C11orf24: variants seen among roughly 807,000 people sequenced by gnomAD.
C11orf24 encodes uncharacterized protein C11orf24.
A neutral mutation model predicts 7.3 loss-of-function variants in C11orf24; 5 were observed. The ratio of observed to expected loss-of-function variants is 0.69; its 90% confidence interval spans 0.36 to 1.45. The LOEUF (loss-of-function observed/expected upper bound fraction) is 1.45, where lower values mean the gene tolerates loss of function less well. C11orf24 is among the 40% of genes most tolerant of loss of function. The probability of loss-of-function intolerance (pLI) is 0.03; values close to 1 mark genes in which losing one functional copy is unlikely to be tolerated. For synonymous variants in C11orf24, 233 were observed against 235.7 expected (o/e 0.99, Z 0.11); for missense variants, 566 against 590.5 (o/e 0.96, Z 0.43).
chr11:68,266,617 CG>C (rs941880065), intron 2 of C11orf24, among the ~76,000 whole-genome samples: 5 of 151,604 alleles, frequency 3.3e-5, no homozygotes, highest in African/African-American at 4.8e-5. Context: ...AAAAGTGTGG[CG>C]GGGGGGATGG....
chr11:68,264,518 CCACT>C (rs2098563675), intron 2 of C11orf24, among the ~76,000 whole-genome samples: 7 of 143,526 alleles, frequency 4.9e-5, no homozygotes, highest in Admixed American at 6.8e-5. Flanking sequence ...ATCCATCCAC[CCACT>C]CATCCATCCA....
Position 68,261,806 on chromosome 11 carries a change from C to T in C11orf24, c.1189G>A (p.Val397Ile), listed in dbSNP as rs147863253. 1.9e-5 allele frequency: 30 copies of T among 1,614,106 alleles called. No homozygotes were observed. Among genetic ancestry groups the T allele is most frequent in the Non-Finnish European group, 2.1e-5 (25 of 1,180,056 alleles). Reference protein sequence around the residue: ...VTTEPLTQAVVDKTLLLVVLL... With the variant: ...VTTEPLTQAVIDKTLLLVVLL... The stretch of plus-strand genomic sequence containing the variant: ...ACCACCAGAAGGAGAGTTTTGTCTA[C>T]CACGGCCTGGGTGAGGGGCTCAGTG... The change falls in exon 4 of 4, where the codon GTA (valine) becomes ATA (isoleucine). Residue 397 changes from valine to isoleucine, a missense_variant. Val to Ile is a conservative substitution (Grantham distance 29). Transcript: ENST00000304271.
chr11:68,263,598 G>T, intron 3 of C11orf24, 94 bp downstream of exon 3: 1 of 1,205,324 alleles, frequency 8.3e-7, no homozygotes, highest in Non-Finnish European at 1.2e-6. Context: ...TTCCTGACGC[G>T]TTGGCCTGGG....
Position 68,261,623 on chromosome 11 carries a change from T to A in C11orf24, c.*22A>T. 6.3e-7 allele frequency: 1 copy of A among 1,581,926 alleles called. No homozygotes were observed. The highest frequency in any genetic ancestry group is 1.1e-5 in the South Asian group (1 of 88,336). On this transcript the variant is annotated 3_prime_UTR_variant, in exon 4 of 4. Transcript: ENST00000304271. Reference sequence around the variant, plus strand: ...GAAAGGACGAGGAAGGGGCCAGGCCTCCCGCCAGGCCCCCGCCCCCCTCAC... The same window carrying A: ...GAAAGGACGAGGAAGGGGCCAGGCCACCCGCCAGGCCCCCGCCCCCCTCAC...
rs750982914 is a variant in C11orf24, at chr11:68,261,682, T to A, written c.1313A>T (p.Tyr438Phe). 1.1e-5 allele frequency: 18 copies of A among 1,612,824 alleles called. No homozygotes were observed. Among genetic ancestry groups the A allele is most frequent in the Non-Finnish European group, 1.4e-5 (17 of 1,179,006 alleles). The change falls in exon 4 of 4, where the codon TAC becomes TTC. Residue 438 changes from tyrosine to phenylalanine, a missense_variant. Tyr to Phe is a conservative substitution (Grantham distance 22). Transcript: ENST00000304271. ...GTCCGCATACATCCCGTTGATTAAG[T>A]AGTCCACCTGGGTGTAGTCCTTCTT... is the stretch of plus-strand genomic sequence containing the variant. ...YKKKDYTQVD[Y>F]LINGMYADSE... is the part of the protein sequence containing the mutation.
chr11:68,264,879 G>A (rs1286728246), intron 2 of C11orf24, among the ~76,000 whole-genome samples: 2 of 151,654 alleles, frequency 1.3e-5, no homozygotes, highest in Non-Finnish European at 2.9e-5. Context: ...CATTGTGCAG[G>A]GTGTGACTCA....
At chr11:68,265,598 C>A (rs994559885) in intron 2 of C11orf24, among the ~76,000 whole-genome samples, 7 of 152,182 alleles carry the variant, frequency 4.6e-5, no homozygotes, top group African/African-American at 1.7e-4. Flanking sequence ...CTCCCAGGCT[C>A]AAATGATCCT....
chr11:68,263,885 G>A lies in C11orf24; in HGVS notation c.-99-19C>T, dbSNP rs565336055. 20 of 822,786 alleles carry A rather than the reference G, an allele frequency of 2.4e-5. 1 individual carries two copies. The highest frequency in any genetic ancestry group is 2.3e-4 in the South Asian group (14 of 60,382). The allele number at this position is 822,786 out of a possible 1,614,324, so 51.0% of individuals were successfully genotyped here. The stretch of plus-strand genomic sequence containing the variant: ...AAGGGATCTGTGGTCAAGAAAGCAC[G>A]CTGGTCAGAAGGCGTCTGGCCAGCA... On this transcript the variant is annotated intron_variant, in intron 2 of 3. Coordinates refer to ENST00000304271, the MANE Select transcript of C11orf24 (RefSeq NM_022338.4).
At chr11:68,269,991 A>G (rs920659513) in intron 1 of C11orf24, among the ~76,000 whole-genome samples, 4 of 152,088 alleles carry the variant, frequency 2.6e-5, no homozygotes, top group African/African-American at 4.8e-5. Context: ...ATTTAAAATA[A>G]CAGTTTCCCC....
intron 2 of C11orf24, among the ~76,000 whole-genome samples, chr11:68,266,835 G>A (rs753580553): frequency 6.6e-6 from 1 of 152,110 alleles, no homozygotes; most frequent in Admixed American, 6.5e-5. Context: ...CCAGGCCCGA[G>A]CCCGGGATTT....
Position 68,263,813 on chromosome 11 carries a change from C to G in C11orf24, c.-46G>C, listed in dbSNP as rs867010276. 10 of 1,507,256 alleles carry G rather than the reference C, an allele frequency of 6.6e-6. No individual in the cohort carries two copies. The Middle Eastern group carries it at 1.5e-3, about 230-fold the overall frequency. 93.4% of individuals were successfully genotyped at this position (1,507,256 alleles called of 1,614,324 possible). On this transcript the variant is annotated 5_prime_UTR_variant, in exon 3 of 4. Transcript: ENST00000304271. Reference sequence around the variant, plus strand: ...AAGGCTGGGCGGTCCCCGAGGCTCCCAGCCAGCCAGCTCCTCAGGCTGCTA... The same window carrying G: ...AAGGCTGGGCGGTCCCCGAGGCTCCGAGCCAGCCAGCTCCTCAGGCTGCTA...
Position 68,262,754 on chromosome 11 carries a change from T to C in C11orf24, c.241A>G (p.Thr81Ala). 1.2e-6 allele frequency: 2 copies of C among 1,614,170 alleles called. No homozygotes were observed. Among genetic ancestry groups the C allele is most frequent in the Non-Finnish European group, 1.7e-6 (2 of 1,180,034 alleles). The change falls in exon 4 of 4, where the codon ACA becomes GCA. Residue 81 changes from threonine (T) to alanine (A), a missense_variant. Coordinates refer to ENST00000304271, the MANE Select transcript of C11orf24 (RefSeq NM_022338.4). ...AAHLNSMEVT[T>A]EDTSRTDVSE... Reference sequence around the variant, plus strand: ...ACATCTGTCCTGCTTGTGTCCTCTGTTGTGACTTCCATAGAGTTGAGGTGG... The same window carrying C: ...ACATCTGTCCTGCTTGTGTCCTCTGCTGTGACTTCCATAGAGTTGAGGTGG...
Position 68,262,229 on chromosome 11 carries a change from G to A in C11orf24, c.766C>T (p.Pro256Ser). 6.2e-7 allele frequency: 1 copy of A among 1,613,036 alleles called. No homozygotes were observed. The highest frequency in any genetic ancestry group is 8.5e-7 in the Non-Finnish European group (1 of 1,179,154). The change falls in exon 4 of 4, where the codon CCC becomes TCC. Residue 256 changes from proline to serine, a missense_variant. Physicochemically the swap from Pro to Ser is moderately conservative, Grantham distance 74. Transcript: ENST00000304271. ...TGGTCCACTGACACCTGGCTAATGG[G>A]ACCTTGTGCTTGGGGACGCATAGGG... ...VPPMRPQAQG[P>S]ISQVSVDQPV...
rs146708926 is a variant in C11orf24 at position 68,262,469 on chromosome 11, G to A, written c.526C>T (p.Arg176Trp). The A allele has an allele frequency of 1.2e-3, 1,984 of 1,614,096 alleles. No homozygotes were observed. The highest frequency in any genetic ancestry group is 1.5e-3 in the Non-Finnish European group (1,770 of 1,180,002). Residue 176 changes from arginine to tryptophan, a missense_variant, in exon 4 of 4, where the codon CGG (arginine) becomes TGG (tryptophan). Transcript: ENST00000304271. The stretch of plus-strand genomic sequence containing the variant: ...CCAGTGGCGGTAGTGGACGGGGTCC[G>A]CCCTGTGGAAGTGGACGTGGGCGCG... ...LPAPTSTSTG[R>W]TPSTTATGHP...
chr11:68,261,837 C>T lies in C11orf24; in HGVS notation c.1158G>A (p.Val386=), dbSNP rs748008887. Residue 386 remains valine, a synonymous_variant, in exon 4 of 4, where the codon GTG becomes GTA. Transcript: ENST00000304271. ...CQPSTQGQYM[V]VTTEPLTQAV... ...CCTGGGTGAGGGGCTCAGTGGTGACCACCATGTACTGGCCTTGGGTGCTGG... is the reference window on the plus strand; with the variant it reads ...CCTGGGTGAGGGGCTCAGTGGTGACTACCATGTACTGGCCTTGGGTGCTGG... 31 of 1,614,022 alleles carry T rather than the reference C, an allele frequency of 1.9e-5. No homozygotes were observed. The highest frequency in any genetic ancestry group is 2.5e-5 in the Non-Finnish European group (30 of 1,180,054).
chr11:68,269,496 G>C (rs1453976681), intron 1 of C11orf24, among the ~76,000 whole-genome samples: 1 of 152,200 alleles, frequency 6.6e-6, no homozygotes, highest in Non-Finnish European at 1.5e-5. Context: ...GACCACCATG[G>C]GCCTGCTCCC....
intron 2 of C11orf24, among the ~76,000 whole-genome samples, chr11:68,266,343 C>A (rs2098565124): frequency 6.6e-6 from 1 of 152,158 alleles, no homozygotes; most frequent in Admixed American, 6.5e-5. Context: ...TGGCTTCCTG[C>A]CTCCTGTAAT....
intron 1 of C11orf24, among the ~76,000 whole-genome samples, chr11:68,269,680 G>C (rs2098566931): frequency 6.6e-6 from 1 of 151,856 alleles, no homozygotes; most frequent in Non-Finnish European, 1.5e-5. Flanking sequence ...AAAGGTGAGG[G>C]CACACACACG....
chr11:68,263,665 C>A, intron 3 of C11orf24, 27 bp downstream of exon 3: 1 of 1,606,716 alleles, frequency 6.2e-7, no homozygotes, highest in Non-Finnish European at 8.5e-7. Context: ...TGGGCCCATC[C>A]AGCAGTCACA....
Sources: gnomAD v4.1 joint callset for allele counts (sites outside exome capture counted in the v4.1 genomes callset) on GRCh38, gnomAD v4.1.1 for gene constraint, MANE v1.5 for transcripts, NCBI Gene and HGNC (gene_info 2026-07-23, HGNC 2026-07-21) for gene names.